The following C7 variants were observed in gnomAD, a reference collection of about 807,000 sequenced individuals.
C7 encodes complement component C7.
Under a neutral mutation model 104.8 loss-of-function variants are expected in C7, and 83 were observed. The ratio of observed to expected loss-of-function variants is 0.79; its 90% CI spans 0.66 to 0.95. The LOEUF is 0.95. C7 is among the 40% of genes least tolerant of loss of function. The probability of loss-of-function intolerance (pLI) is 0.00; values close to 1 mark genes in which losing one functional copy is unlikely to be tolerated. For synonymous variants in C7, 415 were observed against 360.6 expected (o/e 1.15, Z -1.71); for missense variants, 1,070 against 1,011.2 (o/e 1.06, Z -0.79).
chr5:40,931,739 G>A (rs1480227682), intron 3 of C7, among the ~76,000 whole-genome samples: 1 of 152,106 alleles, frequency 6.6e-6, no homozygotes. Flanking sequence ...AAGAAATAAG[G>A]CATTATTCAC....
intron 1 of C7, among the ~76,000 whole-genome samples, chr5:40,910,357 G>A (rs762256785): frequency 6.6e-6 from 1 of 152,038 alleles, no homozygotes; most frequent in Non-Finnish European, 1.5e-5. Context: ...CTTTAAAAAT[G>A]TTGCATTGTA....
chr5:40,912,543 T>C (rs1304648262), intron 1 of C7, among the ~76,000 whole-genome samples: 1 of 144,604 alleles, frequency 6.9e-6, no homozygotes, highest in East Asian at 1.9e-4. Flanking sequence ...CATGCCTGGC[T>C]AATTTTTGTA....
At chr5:40,937,270 C>T (rs765880787) in intron 5 of C7, 5 of 206,160 alleles carry the variant, frequency 2.4e-5, no homozygotes, top group East Asian at 2.3e-4. Context: ...GCCATAGATA[C>T]GAAAGAGCCA....
Position 40,958,254 on chromosome 5 carries a change from T to A in C7, c.1482T>A (p.Asn494Lys). 1 of 1,597,300 alleles carries A rather than the reference T, an allele frequency of 6.3e-7. No individual in the cohort carries two copies. The highest frequency in any genetic ancestry group is 8.5e-7 in the Non-Finnish European group (1 of 1,170,428). Residue 494 changes from asparagine to lysine, a missense_variant, in exon 11 of 18, where the codon AAT becomes AAA. By Grantham distance (94) the Asn-to-Lys change is moderately conservative. Transcript: ENST00000313164. Reference protein sequence around the residue: ...AACEQGVLVGNQAGGVDGGWS... With the variant: ...AACEQGVLVGKQAGGVDGGWS... The stretch of plus-strand genomic sequence containing the variant: ...GTGAGCAAGGAGTCCTCGTAGGGAA[T>A]CAAGCAGGTCAGTGGGGTGAATTTT...
rs6866540 is a variant in C7, at chr5:40,915,766, G to A, written c.6+6150G>A. Among the ~76,000 whole-genome samples the A allele has an allele frequency of 7.4e-3, 1,130 of 152,144 alleles. 18 individuals carry two copies. Among genetic ancestry groups the A allele is most frequent in the African/African-American group, 0.026 (1,085 of 41,504 alleles). On this transcript the variant is annotated intron_variant, in intron 1 of 17. Coordinates refer to ENST00000313164, the MANE Select transcript of C7 (RefSeq NM_000587.4). ...TCAGATATGCTAATCAGCACAATAG[G>A]CTTAAACATTTTTAGAACTCTAACA... is the stretch of plus-strand genomic sequence containing the variant.
At position 40,949,916 on chromosome 5, in the gene C7, T is replaced by A; in HGVS notation, c.995T>A (p.Val332Asp). Residue 332 changes from valine (V) to aspartate (D), a missense_variant, in exon 9 of 18, where the codon GTC becomes GAC. Coordinates refer to ENST00000313164, the MANE Select transcript of C7 (RefSeq NM_000587.4). ...EKLKQNDFNS[V>D]EEKKCKSSGW... ...TTTTCTCCCCTAGATTTTAATTCAG[T>A]CGAAGAAAAGAAATGTAAATCCTCA... is the stretch of plus-strand genomic sequence containing the variant. The A allele has an allele frequency of 6.3e-7, 1 of 1,582,936 alleles. No individual in the cohort carries two copies. Among genetic ancestry groups the A allele is most frequent in the South Asian group, 1.1e-5 (1 of 87,034 alleles).
intron 10 of C7, 24 bp downstream of exon 10, chr5:40,955,577 A>C (rs1334790686): frequency 2.5e-6 from 4 of 1,594,574 alleles, no homozygotes; most frequent in Non-Finnish European, 3.4e-6. Flanking sequence ...TGTTTAAAGC[A>C]ATAGGAAGCA....
At chr5:40,917,134 CAA>C (rs138855377) in intron 1 of C7, among the ~76,000 whole-genome samples, 14 of 113,600 alleles carry the variant, frequency 1.2e-4, no homozygotes, top group East Asian at 2.4e-4. Context: ...GACTCCATCT[CAA>C]AAAAAAAAAA....
intron 17 of C7, among the ~76,000 whole-genome samples, chr5:40,980,841 C>G (rs984405239): frequency 6.6e-6 from 1 of 152,192 alleles, no homozygotes; most frequent in Non-Finnish European, 1.5e-5. Context: ...TAGGTGGTCA[C>G]CATTGTCTGC....
chr5:40,981,504 C>T lies in C7; in HGVS notation c.2463C>T (p.Gly821=), dbSNP rs372988180. 8.9e-5 allele frequency: 143 copies of T among 1,613,528 alleles called. No homozygotes were observed. Among genetic ancestry groups the T allele is most frequent in the Non-Finnish European group, 1.1e-4 (132 of 1,179,754 alleles). The change falls in exon 18 of 18, where the codon GGC becomes GGT. Residue 821 remains glycine (G), a synonymous_variant. Transcript: ENST00000313164. The part of the protein sequence containing the change: ...KEQTMSECEA[G]ALRCRGQSIS... The stretch of plus-strand genomic sequence containing the variant: ...AGACGATGTCTGAGTGTGAGGCGGG[C>T]GCTCTGAGATGCAGAGGGCAGAGCA...
Position 40,936,450 on chromosome 5 carries a change from T to C in C7, c.393T>C (p.Asp131=), listed in dbSNP as rs1289461974. 1 of 1,613,168 alleles carries C rather than the reference T, an allele frequency of 6.2e-7. No homozygotes were observed. The highest frequency in any genetic ancestry group is 8.5e-7 in the Non-Finnish European group (1 of 1,179,480). ...AAAGGAGACCTTCCTGTGATATCGA[T>C]AAACCTCCTCCTAACATAGAACTTA... ...DSERRPSCDI[D]KPPPNIELTG... Residue 131 remains aspartate (D), a synonymous_variant, in exon 5 of 18, where the codon GAT becomes GAC. Transcript: ENST00000313164.
intron 1 of C7, among the ~76,000 whole-genome samples, chr5:40,916,534 C>G (rs115855785): frequency 6.6e-6 from 1 of 152,034 alleles, no homozygotes; most frequent in Admixed American, 6.5e-5. Context: ...CAGAGAGAAC[C>G]GGAGTGGAAT....
chr5:40,945,228 T>G lies in C7; in HGVS notation c.598T>G (p.Phe200Val). 6.6e-7 allele frequency: 1 copy of G among 1,526,344 alleles called. No homozygotes were observed. The highest frequency in any genetic ancestry group is 8.8e-7 in the Non-Finnish European group (1 of 1,131,418). The allele number at this position is 1,526,344 out of a possible 1,614,324, so 94.6% of individuals were successfully genotyped here. A position where few individuals can be genotyped will look rare whatever the true frequency, so the allele number is the denominator to read the frequency against. ...AATAAATAATGATTTTAATTATGAA[T>G]TTTACAATAGTACTTGGTCTTATGT... The part of the protein sequence containing the change: ...VKINNDFNYE[F>V]YNSTWSYVKH... The change falls in exon 7 of 18, where the codon TTT becomes GTT. Residue 200 changes from phenylalanine (F) to valine (V), a missense_variant. Phe to Val is a conservative substitution (Grantham distance 50). Transcript: ENST00000313164.
chr5:40,945,005 C>A (rs1740014875), intron 6 of C7, among the ~76,000 whole-genome samples, 193 bp from the exon 7 acceptor site: 1 of 152,116 alleles, frequency 6.6e-6, no homozygotes, highest in African/African-American at 2.4e-5. Context: ...TACCATGTGT[C>A]CTGCTTAATA....
chr5:40,910,782 ACTCT>A (rs1487798088), intron 1 of C7, among the ~76,000 whole-genome samples: 1 of 139,810 alleles, frequency 7.2e-6, no homozygotes, highest in Non-Finnish European at 1.5e-5. Flanking sequence ...ATAAGGTGAG[ACTCT>A]CTCTCAAAAA....
chr5:40,912,188 T>C (rs1213628707), intron 1 of C7, among the ~76,000 whole-genome samples: 1 of 152,036 alleles, frequency 6.6e-6, no homozygotes, highest in Non-Finnish European at 1.5e-5. Context: ...GTAATTATCC[T>C]AAGGCTAGCC....
At position 40,981,562 on chromosome 5, in the gene C7, G is replaced by C. The variant is rs750539263; in HGVS notation, c.2521G>C (p.Glu841Gln). The stretch of plus-strand genomic sequence containing the variant: ...CACCAGCATAAGGCCTTGTGCTGCG[G>C]AAACCCAGTAGGCTCCTGGAGGCCC... The part of the protein sequence containing the change: ...SVTSIRPCAA[E>Q]TQ Residue 841 changes from glutamate (E) to glutamine (Q), a missense_variant, in exon 18 of 18, where the codon GAA becomes CAA. Physicochemically the swap from Glu to Gln is conservative, Grantham distance 29. Coordinates refer to ENST00000313164, the MANE Select transcript of C7 (RefSeq NM_000587.4). 53 of 1,609,172 alleles carry C rather than the reference G, an allele frequency of 3.3e-5. No individual in the cohort carries two copies. In the Middle Eastern group the frequency reaches 8.3e-4, roughly 25 times the overall value.
At chr5:40,945,458 CT>C (rs1406545227) in intron 7 of C7, 90 bp downstream of exon 7, 1 of 841,548 alleles carries the variant, frequency 1.2e-6, no homozygotes, top group African/African-American at 1.8e-5. Flanking sequence ...AAAGGATCAG[CT>C]TTCATATTAA....
At chr5:40,965,034 T>A (rs1371499935) in intron 14 of C7, among the ~76,000 whole-genome samples, 161 bp downstream of exon 14, 2 of 152,190 alleles carry the variant, frequency 1.3e-5, no homozygotes, top group Admixed American at 1.3e-4. Flanking sequence ...GAATAAGCCC[T>A]CCGCCTTCTC....
Sources: gnomAD v4.1 joint callset for allele counts (sites outside exome capture counted in the v4.1 genomes callset) on GRCh38, gnomAD v4.1.1 for gene constraint, MANE v1.5 for transcripts, NCBI Gene and HGNC (gene_info 2026-07-23, HGNC 2026-07-21) for gene names.